Variants in SHC4 observed in about 807,000 individuals in gnomAD.
SHC4 encodes SHC-transforming protein 4.
In SHC4, 41 loss-of-function variants were observed where a neutral mutation model predicts 69.4. That is an observed-to-expected ratio of 0.59 (90% CI 0.46 to 0.77). The LOEUF is 0.77. Among genes scored for constraint, SHC4 ranks in the 30% least tolerant of loss-of-function variants. The pLI is 0.00. For synonymous variants in SHC4, 318 were observed against 299.3 expected (o/e 1.06, Z -0.64); for missense variants, 777 against 783.8 (o/e 0.99, Z 0.10).
At chr15:48,939,747 C>T (rs1431450379) in intron 1 of SHC4, among the ~76,000 whole-genome samples, 1 of 152,148 alleles carries the variant, frequency 6.6e-6, no homozygotes, top group South Asian at 2.1e-4. Context: ...ACTTCTCAGA[C>T]CCAAATAAAT....
At chr15:48,872,346 C>A (rs1194566553) in intron 4 of SHC4, among the ~76,000 whole-genome samples, 1 of 152,188 alleles carries the variant, frequency 6.6e-6, no homozygotes, top group East Asian at 1.9e-4. Flanking sequence ...ACTGCCCTTG[C>A]CCACCCAGGT....
At chr15:48,931,460 C>G (rs944175096) in intron 1 of SHC4, among the ~76,000 whole-genome samples, 5 of 152,116 alleles carry the variant, frequency 3.3e-5, no homozygotes, top group Non-Finnish European at 5.9e-5. Context: ...TGATCTAAAC[C>G]AATAGTATCA....
chr15:48,930,786 T>C (rs1449926298), intron 1 of SHC4, among the ~76,000 whole-genome samples: 1 of 152,224 alleles, frequency 6.6e-6, no homozygotes, highest in Admixed American at 6.5e-5. Context: ...AGGATATTTC[T>C]GCCACCTTTA....
chr15:48,927,442 C>T (rs1900874555), intron 1 of SHC4, among the ~76,000 whole-genome samples: 1 of 152,218 alleles, frequency 6.6e-6, no homozygotes, highest in Non-Finnish European at 1.5e-5. Flanking sequence ...TATCAACTGG[C>T]CCATCCGTGC....
Position 48,834,889 on chromosome 15 carries a change from G to A in SHC4, c.1617C>T (p.Leu539=), listed in dbSNP as rs151111033. Residue 539 remains leucine, a synonymous_variant, in exon 11 of 12, where the codon CTC becomes CTT. Transcript: ENST00000332408. ...GKLSRKAAES[L]LVKDGDFLVR... is the part of the protein sequence containing the mutation. The stretch of plus-strand genomic sequence containing the variant: ...CCAAAAAGTCCCCATCCTTTACCAA[G>A]AGGCTCTCTGCCGCCTTCCTGCTCA... 3 of 1,614,006 alleles carry A rather than the reference G, an allele frequency of 1.9e-6. No individual in the cohort carries two copies. The highest frequency in any genetic ancestry group is 2.7e-5 in the African/African-American group (2 of 74,914).
In SHC4 at chr15:48,825,971, T is replaced by G; in HGVS notation, c.1893A>C (p.Ter631CysextTer3). The G allele has an allele frequency of 6.2e-7, 1 of 1,613,016 alleles. No homozygotes were observed. Among genetic ancestry groups the G allele is most frequent in the Non-Finnish European group, 8.5e-7 (1 of 1,179,660 alleles). The change falls in exon 12 of 12, where the codon TGA (stop) becomes TGC (cysteine). Residue 631 changes from the stop codon to cysteine, a stop_lost. Transcript: ENST00000332408. Reference protein sequence around the residue: ...NNPALLHSNK* With the variant: ...NNPALLHSNKC ...TCAGTGTGATGGTGCTTCAATACTG[T>G]CATTTGTTGGAATGCAAAAGTGCTG...
intron 9 of SHC4, among the ~76,000 whole-genome samples, chr15:48,850,803 A>G (rs1473319872): frequency 2.0e-5 from 3 of 152,214 alleles, no homozygotes; most frequent in South Asian, 2.1e-4. Flanking sequence ...TAAAGATTTT[A>G]TCTTAATCCT....
intron 11 of SHC4, among the ~76,000 whole-genome samples, chr15:48,833,928 T>C (rs1898854311): frequency 6.6e-6 from 1 of 152,252 alleles, no homozygotes; most frequent in South Asian, 2.1e-4. Context: ...GTGGTTCTCA[T>C]AAAGGTATTT....
chr15:48,958,024 T>C (rs1304871094), intron 1 of SHC4, among the ~76,000 whole-genome samples: 2 of 152,214 alleles, frequency 1.3e-5, no homozygotes, highest in Non-Finnish European at 2.9e-5. Flanking sequence ...ACAGCGTGAC[T>C]TGGCTGATAT....
chr15:48,913,521 A>G (rs1378019145), intron 2 of SHC4, among the ~76,000 whole-genome samples: 1 of 152,076 alleles, frequency 6.6e-6, no homozygotes, highest in Non-Finnish European at 1.5e-5. Context: ...GCTCCAGGCT[A>G]CCTGCCTCCC....
chr15:48,893,165 G>A (rs1289781780), intron 2 of SHC4, among the ~76,000 whole-genome samples: 1 of 152,114 alleles, frequency 6.6e-6, no homozygotes, highest in Non-Finnish European at 1.5e-5. Flanking sequence ...ACCTCTCAAG[G>A]AGGTTTTGAA....
chr15:48,836,647 G>C (rs549961466), intron 10 of SHC4, among the ~76,000 whole-genome samples: 16 of 151,900 alleles, frequency 1.1e-4, no homozygotes, highest in South Asian at 4.2e-4. Context: ...CTTAGGTAAG[G>C]GTCTTGCAAA....
At chr15:48,933,856 A>G (rs569753217) in intron 1 of SHC4, among the ~76,000 whole-genome samples, 14 of 152,276 alleles carry the variant, frequency 9.2e-5, no homozygotes, top group Middle Eastern at 3.4e-3. Context: ...GAAAAATGAC[A>G]TTGTTTTCAA....
rs200906265 is a variant in SHC4, at chr15:48,884,537, T to TA, written c.721-171dup. Reference sequence around the variant, plus strand: ...GGTTTTTATTAAATAAACTTTTTTTTAAATTAGGATGCAGCGAATTCTTTA... The same window carrying TA: ...GGTTTTTATTAAATAAACTTTTTTTTAAAATTAGGATGCAGCGAATTCTTTA... On this transcript the variant is annotated intron_variant, in intron 3 of 11. Coordinates refer to ENST00000332408, the MANE Select transcript of SHC4 (RefSeq NM_203349.4). Among the ~76,000 whole-genome samples the TA allele has an allele frequency of 5.1e-3, 777 of 152,256 alleles. 5 individuals carry two copies. Among genetic ancestry groups the TA allele is most frequent in the African/African-American group, 0.018 (746 of 41,550 alleles).
intron 1 of SHC4, among the ~76,000 whole-genome samples, chr15:48,926,545 C>A (rs147084315): frequency 6.6e-6 from 1 of 151,810 alleles, no homozygotes; most frequent in Non-Finnish European, 1.5e-5. Flanking sequence ...TCACTGCAAC[C>A]GCTGCCTCCC....
chr15:48,934,437 A>C (rs979245176), intron 1 of SHC4, among the ~76,000 whole-genome samples: 32 of 152,286 alleles, frequency 2.1e-4, no homozygotes, highest in African/African-American at 7.5e-4. Context: ...AAACCAGCAA[A>C]CTGAAAATAA....
intron 1 of SHC4, among the ~76,000 whole-genome samples, chr15:48,939,468 C>G (rs4462535): frequency 1.3e-5 from 2 of 152,128 alleles, no homozygotes. Flanking sequence ...AGGGATATGG[C>G]TGAGATATCA....
chr15:48,923,544 C>CAA (rs3075016), intron 2 of SHC4, among the ~76,000 whole-genome samples: 8 of 93,002 alleles, frequency 8.6e-5, no homozygotes, highest in African/African-American at 3.0e-4. Flanking sequence ...GACTCTGTCT[C>CAA]AAAAAAAAAA....
Position 48,834,976 on chromosome 15 carries a change from G to A in SHC4, c.1530C>T (p.Ser510=). 6.2e-7 allele frequency: 1 copy of A among 1,613,018 alleles called. No individual in the cohort carries two copies. Among genetic ancestry groups the A allele is most frequent in the Non-Finnish European group, 8.5e-7 (1 of 1,179,508 alleles). ...GCTTAATGTGTGGCAAAGAATGTGA[G>A]CTGGCAGGCTGGGCTGTGGCACCCG... is the stretch of plus-strand genomic sequence containing the variant. ...VQPGATAQPA[S]SHSLPHIKQQ... Residue 510 remains serine (S), a synonymous_variant, in exon 11 of 12, where the codon AGC becomes AGT. Transcript: ENST00000332408.
Sources: gnomAD v4.1 joint callset for allele counts (sites outside exome capture counted in the v4.1 genomes callset) on GRCh38, gnomAD v4.1.1 for gene constraint, MANE v1.5 for transcripts, NCBI Gene and HGNC (gene_info 2026-07-23, HGNC 2026-07-21) for gene names.